The following KRT1 variants were observed in gnomAD, a reference collection of about 807,000 sequenced individuals.
The protein encoded by KRT1 is keratin, type II cytoskeletal 1.
KRT1 carries 28 observed loss-of-function variants against 51.6 expected under a neutral mutation model. The ratio of observed to expected loss-of-function variants is 0.54; its 90% CI spans 0.40 to 0.74. The LOEUF (loss-of-function observed/expected upper bound fraction) is 0.74, where lower values mean the gene tolerates loss of function less well. Ranked by LOEUF, KRT1 falls within the 30% of genes least tolerant of loss-of-function variation. KRT1 has a pLI of 0.00. For synonymous variants in KRT1, 301 were observed against 307.7 expected, an observed-to-expected ratio of 0.98 and a Z score of 0.23; for missense variants, 783 against 815.5, an observed-to-expected ratio of 0.96 and a Z score of 0.49.
rs1313094706 is a variant in KRT1 at position 52,678,891 on chromosome 12, G to C, written c.592-135C>G. The C allele has an allele frequency of 6.0e-6, 5 of 827,586 alleles. No individual in the cohort carries two copies. In the East Asian group the frequency reaches 1.3e-4, roughly 22 times the overall value. 51.3% of individuals were successfully genotyped at this position (827,586 alleles called of 1,614,324 possible). On this transcript the variant is annotated intron_variant, in intron 1 of 8. Transcript: ENST00000252244. ...AGAGAAATAGGAAGAAGATGATCAA[G>C]TTAATATCATCTGCATAATAAAACC... is the stretch of plus-strand genomic sequence containing the variant.
rs764558253 is a variant in KRT1 at position 52,675,329 on chromosome 12, C to T, written c.1799G>A (p.Gly600Asp). 1.4e-5 allele frequency: 23 copies of T among 1,611,392 alleles called. No individual in the cohort carries two copies. The South Asian group carries it at 2.0e-4, about 14-fold the overall frequency. The change falls in exon 9 of 9, where the codon GGC becomes GAC. Residue 600 changes from glycine to aspartate, a missense_variant. Transcript: ENST00000252244. ...GCTCCCGCCGCCAGAGCCCCGGCCG[C>T]CAGAGCTGCCGCCGCCGCCGCCTCC... is the stretch of plus-strand genomic sequence containing the variant. ...GSGGGGGGSS[G>D]GRGSGGGSSG...
In KRT1 at chr12:52,674,978, C is replaced by G. The variant is rs1941478222; in HGVS notation, c.*215G>C. On this transcript the variant is annotated 3_prime_UTR_variant, in exon 9 of 9. Coordinates refer to ENST00000252244, the MANE Select transcript of KRT1 (RefSeq NM_006121.4). ...ACTGTTTCTCAGGGAAAGAACAAAG[C>G]AGGGTCATAGCCAGGGGACTGAGAT... is the stretch of plus-strand genomic sequence containing the variant. 1 of 709,554 alleles carries G rather than the reference C, an allele frequency of 1.4e-6. No individual in the cohort carries two copies. Among genetic ancestry groups the G allele is most frequent in the Non-Finnish European group, 2.5e-6 (1 of 406,078 alleles). 44.0% of individuals were successfully genotyped at this position (709,554 alleles called of 1,614,324 possible).
At chr12:52,676,591 T>A in intron 6 of KRT1, 96 bp from the exon 7 acceptor site, 2 of 1,237,104 alleles carry the variant, frequency 1.6e-6, no homozygotes, top group Non-Finnish European at 2.3e-6. Flanking sequence ...CAATAATGAG[T>A]CCAACAGAAC....
rs1428405724 is a variant in KRT1, at chr12:52,677,717, A to G, written c.896T>C (p.Val299Ala). The change falls in exon 4 of 9, where the codon GTG becomes GCG. Residue 299 changes from valine to alanine, a missense_variant. By Grantham distance (64) the Val-to-Ala change is moderately conservative (BLOSUM62 0). Coordinates refer to ENST00000252244, the MANE Select transcript of KRT1 (RefSeq NM_006121.4). ...KDVDGAYMTK[V>A]DLQAKLDNLQ... ...GTTGTCAAGTTTGGCCTGAAGGTCC[A>G]CCTTGGTCATATAAGCACCATCCAC... is the stretch of plus-strand genomic sequence containing the variant. 5.0e-6 allele frequency: 8 copies of G among 1,614,158 alleles called. No individual in the cohort carries two copies. The highest frequency in any genetic ancestry group is 6.8e-6 in the Non-Finnish European group (8 of 1,180,018).
chr12:52,680,063 C>A lies in KRT1; in HGVS notation c.286G>T (p.Gly96Cys), dbSNP rs753373623. 12 of 1,555,054 alleles carry A rather than the reference C, an allele frequency of 7.7e-6. 1 individual carries two copies. In the South Asian group the frequency reaches 1.4e-4, roughly 18 times the overall value. ...RGSGFGGGYGGGGFGGGGFGG... is the reference protein window; with the variant it reads ...RGSGFGGGYGCGGFGGGGFGG... Reference sequence around the variant, plus strand: ...AAGCCACCACCACCAAAGCCACCACCACCATAACCACCACCAAAGCCACTA... The same window carrying A: ...AAGCCACCACCACCAAAGCCACCACAACCATAACCACCACCAAAGCCACTA... Residue 96 changes from glycine (G) to cysteine (C), a missense_variant, in exon 1 of 9, where the codon GGT (glycine) becomes TGT (cysteine). Coordinates refer to ENST00000252244, the MANE Select transcript of KRT1 (RefSeq NM_006121.4).
Position 52,676,107 on chromosome 12 carries a change from G to A in KRT1, c.1475+168C>T, listed in dbSNP as rs115068385. On this transcript the variant is annotated intron_variant, in intron 7 of 8. Coordinates refer to ENST00000252244, the MANE Select transcript of KRT1 (RefSeq NM_006121.4). ...TAGAAGAAAAAAATAAACAGCTTGG[G>A]ACTCCAGCTCCCAAAGTAAAACTAG... Among the ~76,000 whole-genome samples, 479 of 152,296 alleles carry A rather than the reference G, an allele frequency of 3.1e-3. 8 individuals carry two copies. Among genetic ancestry groups the A allele is most frequent in the African/African-American group, 0.011 (455 of 41,546 alleles).
Position 52,676,362 on chromosome 12 carries a change from C to T in KRT1, c.1388G>A (p.Arg463His), listed in dbSNP as rs200254456. 1.2e-5 allele frequency: 19 copies of T among 1,614,192 alleles called. No homozygotes were observed. The Admixed American group carries it at 1.3e-4, about 11-fold the overall frequency. ...QAKEDLARLL[R>H]DYQELMNTKL... is the part of the protein sequence containing the mutation. Reference sequence around the variant, plus strand: ...TGTGTTCATCAGCTCCTGGTAGTCGCGCAGCAGGCGGGCCAGGTCTTCCTT... The same window carrying T: ...TGTGTTCATCAGCTCCTGGTAGTCGTGCAGCAGGCGGGCCAGGTCTTCCTT... Residue 463 changes from arginine to histidine, a missense_variant, in exon 7 of 9, where the codon CGC becomes CAC. Arg to His is a conservative substitution (Grantham distance 29). Transcript: ENST00000252244.
rs563399473 is a variant in KRT1, at chr12:52,678,080, A to G, written c.867+83T>C. 228 of 1,353,450 alleles carry G rather than the reference A, an allele frequency of 1.7e-4. 2 individuals carry two copies. The South Asian group carries it at 2.6e-3, about 15-fold the overall frequency. The allele number at this position is 1,353,450 out of a possible 1,614,324, so 83.8% of individuals were successfully genotyped here. On this transcript the variant is annotated intron_variant, in intron 3 of 8. Coordinates refer to ENST00000252244, the MANE Select transcript of KRT1 (RefSeq NM_006121.4). ...GGTCTACTACCTGGCTCTCCATATCATGGCTGCTTTCTGCTTAGTAATTGG... is the reference window on the plus strand; with the variant it reads ...GGTCTACTACCTGGCTCTCCATATCGTGGCTGCTTTCTGCTTAGTAATTGG...
In KRT1 at chr12:52,678,531, G is replaced by C. The variant is rs773141462; in HGVS notation, c.806+11C>G. The C allele has an allele frequency of 3.7e-6, 6 of 1,613,586 alleles. No individual in the cohort carries two copies. The Admixed American group carries it at 1.0e-4, about 27-fold the overall frequency. Reference sequence around the variant, plus strand: ...GCAAAAGTTAAGAACTGCCCAGACAGGGTCCCTTACTTGTTCCGGTAATCC... The same window carrying C: ...GCAAAAGTTAAGAACTGCCCAGACACGGTCCCTTACTTGTTCCGGTAATCC... On this transcript the variant is annotated intron_variant, in intron 2 of 8. Coordinates refer to ENST00000252244, the MANE Select transcript of KRT1 (RefSeq NM_006121.4).
chr12:52,679,688 T>G, intron 1 of KRT1, 70 bp downstream of exon 1: 1 of 1,163,892 alleles, frequency 8.6e-7, no homozygotes, highest in South Asian at 1.2e-5. Flanking sequence ...TCAAACCTAC[T>G]GTGTTTTGAC....
chr12:52,677,692 G>T lies in KRT1; in HGVS notation c.921C>A (p.Asn307Lys), dbSNP rs202173344. Residue 307 changes from asparagine to lysine, a missense_variant, in exon 4 of 9, where the codon AAC (asparagine) becomes AAA (lysine). By Grantham distance (94) the Asn-to-Lys change is moderately conservative. Transcript: ENST00000252244. ...TAAGGAAATCAATTTCCTGCTGCAA[G>T]TTGTCAAGTTTGGCCTGAAGGTCCA... ...TKVDLQAKLD[N>K]LQQEIDFLTA... is the part of the protein sequence containing the mutation. 9 of 1,614,202 alleles carry T rather than the reference G, an allele frequency of 5.6e-6. No homozygotes were observed. The highest frequency in any genetic ancestry group is 7.6e-6 in the Non-Finnish European group (9 of 1,180,046).
Position 52,675,932 on chromosome 12 carries a change from G to A in KRT1, c.1476-188C>T, listed in dbSNP as rs140169594. Among the ~76,000 whole-genome samples the A allele has an allele frequency of 1.2e-4, 18 of 152,160 alleles. No homozygotes were observed. The East Asian group carries it at 3.3e-3, about 28-fold the overall frequency. On this transcript the variant is annotated intron_variant, in intron 7 of 8. Transcript: ENST00000252244. ...TTTTCTCAGCAAGAGTACAAACACG[G>A]AGAAATTCCCATATAAACGAGACAA...
intron 2 of KRT1, among the ~76,000 whole-genome samples, 158 bp from the exon 3 acceptor site, chr12:52,678,381 T>C (rs570230600): frequency 6.6e-6 from 1 of 152,358 alleles, no homozygotes; most frequent in South Asian, 2.1e-4. Context: ...CACTAGACTA[T>C]TTCCATCTCC....
intron 6 of KRT1, 123 bp from the exon 7 acceptor site, chr12:52,676,618 A>T (rs1941507999): frequency 1.1e-6 from 1 of 896,446 alleles, no homozygotes; most frequent in South Asian, 1.4e-5. Context: ...GCCTTAAGTC[A>T]TCTCACACCC....
chr12:52,677,663 G>C lies in KRT1; in HGVS notation c.950C>G (p.Ala317Gly). The C allele has an allele frequency of 6.2e-7, 1 of 1,614,162 alleles. No individual in the cohort carries two copies. Among genetic ancestry groups the C allele is most frequent in the South Asian group, 1.1e-5 (1 of 91,086 alleles). Residue 317 changes from alanine to glycine, a missense_variant, in exon 4 of 9, where the codon GCA (alanine) becomes GGA (glycine). Physicochemically the swap from Ala to Gly is moderately conservative, Grantham distance 60. Coordinates refer to ENST00000252244, the MANE Select transcript of KRT1 (RefSeq NM_006121.4). ...NLQQEIDFLT[A>G]LYQAELSQMQ... ...TGGAAGACTTACTGCTTGGTAGAGT[G>C]CTGTAAGGAAATCAATTTCCTGCTG...
rs1674119787 is a variant in KRT1 at position 52,678,200 on chromosome 12, C to T, written c.830G>A (p.Arg277Gln). 5.6e-6 allele frequency: 9 copies of T among 1,614,078 alleles called. No individual in the cohort carries two copies. The highest frequency in any genetic ancestry group is 1.1e-5 in the South Asian group (1 of 91,062). The change falls in exon 3 of 9, where the codon CGG becomes CAG. Residue 277 changes from arginine to glutamine, a missense_variant. Arg to Gln is a conservative substitution (Grantham distance 43). Transcript: ENST00000252244. ...CACAAATTCATTCTCTGCATTTGTCCGCTTGTTGATTTCATCCTCATACCT... is the reference window on the plus strand; with the variant it reads ...CACAAATTCATTCTCTGCATTTGTCTGCTTGTTGATTTCATCCTCATACCT... ...RNKYEDEINKRTNAENEFVTI... is the reference protein window; with the variant it reads ...RNKYEDEINKQTNAENEFVTI...
chr12:52,677,344 G>T lies in KRT1; in HGVS notation c.1100C>A (p.Ala367Asp). The change falls in exon 5 of 9, where the codon GCT (alanine) becomes GAT (aspartate). Residue 367 changes from alanine (A) to aspartate (D), a missense_variant. Physicochemically the swap from Ala to Asp is moderately radical, Grantham distance 126. Coordinates refer to ENST00000252244, the MANE Select transcript of KRT1 (RefSeq NM_006121.4). ...QYEDIAQKSK[A>D]EAESLYQSKY... ...GCTCTGGTACAAGGACTCGGCCTCAGCTTTGCTCTTCTGGGCTATATCCTC... is the reference window on the plus strand; with the variant it reads ...GCTCTGGTACAAGGACTCGGCCTCATCTTTGCTCTTCTGGGCTATATCCTC... 6.2e-7 allele frequency: 1 copy of T among 1,614,244 alleles called. No individual in the cohort carries two copies. The highest frequency in any genetic ancestry group is 8.5e-7 in the Non-Finnish European group (1 of 1,180,052).
At position 52,676,264 on chromosome 12, in the gene KRT1, C is replaced by G; in HGVS notation, c.1475+11G>C. 1 of 1,609,252 alleles carries G rather than the reference C, an allele frequency of 6.2e-7. No homozygotes were observed. Among genetic ancestry groups the G allele is most frequent in the Non-Finnish European group, 8.5e-7 (1 of 1,175,544 alleles). On this transcript the variant is annotated intron_variant, in intron 7 of 8. Coordinates refer to ENST00000252244, the MANE Select transcript of KRT1 (RefSeq NM_006121.4). ...TGAGAAGAGGTTCGACTCCCAGCGT[C>G]CCTTCCTCACCTGCTTTCTTCTCCC...
rs1180525650 is a variant in KRT1, at chr12:52,678,572, AT to A, written c.775del (p.Met259CysfsTer27). The A allele has an allele frequency of 6.2e-7, 1 of 1,614,120 alleles. No individual in the cohort carries two copies. On this transcript the variant is annotated frameshift_variant, in exon 2 of 9. Transcript: ENST00000252244. LOFTEE classifies it high-confidence loss of function. ...QSRLDSELKN[M>X]QDMVEDYRNK... ...CCGGTAATCCTCCACCATGTCCTGC[AT>A]GTTCTTCAGTTCCGAATCCAACCGA...
Sources: gnomAD v4.1 joint callset for allele counts (sites outside exome capture counted in the v4.1 genomes callset) on GRCh38, gnomAD v4.1.1 for gene constraint, MANE v1.5 for transcripts, NCBI Gene and HGNC (gene_info 2026-07-23, HGNC 2026-07-21) for gene names.